The following UGT1A3 variants were observed in gnomAD, a reference collection of about 807,000 sequenced individuals.
UGT1A3 encodes UDP-glucuronosyltransferase 1A3.
A neutral mutation model predicts 41.0 loss-of-function variants in UGT1A3; 31 were observed. The observed-to-expected ratio is 0.76, with a 90% CI of 0.57 to 1.02. The LOEUF (loss-of-function observed/expected upper bound fraction) is 1.02. Among genes scored for constraint, UGT1A3 ranks in the 50% least tolerant of loss-of-function variants. UGT1A3 has a pLI of 0.00. For synonymous variants in UGT1A3, 262 were observed against 257.6 expected, an observed-to-expected ratio of 1.02 and a Z score of -0.17; for missense variants, 737 against 671.0, an observed-to-expected ratio of 1.10 and a Z score of -1.09.
chr2:233,752,595 T>A (rs1013400964), intron 1 of UGT1A3: 3 of 152,218 alleles, frequency 2.0e-5, no homozygotes, highest in Non-Finnish European at 2.9e-5. Context: ...CTACAAGATT[T>A]TTTTTAAAAA....
intron 1 of UGT1A3, among the ~76,000 whole-genome samples, chr2:233,736,165 G>A (rs533285485): frequency 1.2e-4 from 19 of 152,088 alleles, no homozygotes; most frequent in Non-Finnish European, 2.6e-4. Context: ...CGTAGATTTG[G>A]TCTTTCCACA....
intron 1 of UGT1A3, among the ~76,000 whole-genome samples, chr2:233,750,279 C>G (rs577374317): frequency 6.6e-6 from 1 of 152,046 alleles, no homozygotes; most frequent in East Asian, 1.9e-4. Flanking sequence ...AGCAAAGAGA[C>G]TGGTGGCATT....
In UGT1A3 at chr2:233,729,134, C is replaced by G. The variant is rs143371539; in HGVS notation, c.8C>G (p.Thr3Arg). ...TCCGTGTCTTCTGCTGAGATGGCCA[C>G]AGGACTCCAGGTTCCCCTGCCGTGG... MA[T>R]GLQVPLPWLA... is the part of the protein sequence containing the mutation. The change falls in exon 1 of 5, where the codon ACA (threonine) becomes AGA (arginine). Residue 3 changes from threonine (T) to arginine (R), a missense_variant. Transcript: ENST00000482026. 2.7e-5 allele frequency: 44 copies of G among 1,613,172 alleles called. No individual in the cohort carries two copies. Among genetic ancestry groups the G allele is most frequent in the Middle Eastern group, 1.8e-4 (1 of 5,434 alleles).
intron 1 of UGT1A3, chr2:233,744,011 C>T (rs1159851013): frequency 1.6e-5 from 18 of 1,116,766 alleles, no homozygotes; most frequent in East Asian, 5.5e-5. Context: ...AGACCTGGGC[C>T]GCCTGGAGAG....
chr2:233,755,768 C>G (rs1461511969), intron 1 of UGT1A3: 5 of 152,866 alleles, frequency 3.3e-5, no homozygotes, highest in African/African-American at 1.2e-4. Flanking sequence ...TTTTGTTCAT[C>G]TGGATTATGC....
intron 1 of UGT1A3, among the ~76,000 whole-genome samples, chr2:233,763,758 G>C (rs1698394922): frequency 6.6e-6 from 1 of 152,148 alleles, no homozygotes; most frequent in South Asian, 2.1e-4. Flanking sequence ...TGTGTCTGAA[G>C]GAAAAGAGAT....
At chr2:233,766,942 T>C (rs957269469) in intron 1 of UGT1A3, 92 bp from the exon 2 acceptor site, 13 of 1,596,398 alleles carry the variant, frequency 8.1e-6, no homozygotes, top group Non-Finnish European at 1.0e-5. Flanking sequence ...AATCATAGTC[T>C]TAAGAGGAAG....
chr2:233,760,740 C>T (rs2125987447), intron 1 of UGT1A3: 1 of 1,614,120 alleles, frequency 6.2e-7, no homozygotes, highest in Non-Finnish European at 8.5e-7. Context: ...TGCTGACGGA[C>T]CCTTTCCTTC....
intron 1 of UGT1A3, chr2:233,740,675 C>T (rs946709661): frequency 1.3e-5 from 2 of 151,760 alleles, no homozygotes; most frequent in African/African-American, 2.4e-5. Flanking sequence ...CAGGTGTTTC[C>T]ATGGAGGGTG....
intron 1 of UGT1A3, among the ~76,000 whole-genome samples, chr2:233,738,704 G>A (rs1471185258): frequency 6.6e-6 from 1 of 152,238 alleles, no homozygotes; most frequent in South Asian, 2.1e-4. Flanking sequence ...TAAAAGGGAA[G>A]CAGAGCATAA....
At chr2:233,743,417 G>C (rs1204856342) in intron 1 of UGT1A3, 2 of 1,334,558 alleles carry the variant, frequency 1.5e-6, no homozygotes, top group African/African-American at 1.5e-5. Flanking sequence ...CCACTTCCCA[G>C]GGAGCCAAAG....
chr2:233,729,269 T>C lies in UGT1A3; in HGVS notation c.143T>C (p.Leu48Ser). Residue 48 changes from leucine to serine, a missense_variant, in exon 1 of 5, where the codon TTG becomes TCG. Coordinates refer to ENST00000482026, the MANE Select transcript of UGT1A3 (RefSeq NM_019093.4). Reference protein sequence around the residue: ...GSHWLSMREVLRELHARGHQA... With the variant: ...GSHWLSMREVSRELHARGHQA... ...CACTGGCTCAGCATGCGGGAGGTCT[T>C]GCGGGAGCTCCATGCCAGAGGCCAC... The C allele has an allele frequency of 6.2e-7, 1 of 1,614,208 alleles. No homozygotes were observed. The highest frequency in any genetic ancestry group is 8.5e-7 in the Non-Finnish European group (1 of 1,180,012).
chr2:233,770,652 C>T (rs985386042), intron 4 of UGT1A3: 7 of 150,004 alleles, frequency 4.7e-5, no homozygotes, highest in Non-Finnish European at 1.0e-4. Context: ...AGTGAGACTC[C>T]GTCTTACTTA....
intron 1 of UGT1A3, chr2:233,748,131 A>C: frequency 6.2e-7 from 1 of 1,610,240 alleles, no homozygotes; most frequent in Non-Finnish European, 8.5e-7. Context: ...ACAGTTTTTA[A>C]AAATTGTATT....
intron 1 of UGT1A3, chr2:233,747,384 G>T: frequency 6.2e-7 from 1 of 1,605,378 alleles, no homozygotes; most frequent in Non-Finnish European, 8.5e-7. Flanking sequence ...AGGCCACCAG[G>T]CGGTGGTCCT....
intron 1 of UGT1A3, among the ~76,000 whole-genome samples, chr2:233,744,376 C>T (rs1002936325): frequency 4.0e-5 from 6 of 151,828 alleles, no homozygotes; most frequent in Non-Finnish European, 8.8e-5. Context: ...GACTGCAGTT[C>T]TCCAACGTTC....
Position 233,773,005 on chromosome 2 carries a change from C to A in UGT1A3, c.*446C>A. ...GTCAGTCCTCATCTCTGTCGTGCTT[C>A]ATAGGTGCCACCTTGTGTGTTTAAA... On this transcript the variant is annotated 3_prime_UTR_variant, in exon 5 of 5. Transcript: ENST00000482026. 4.6e-6 allele frequency: 1 copy of A among 219,060 alleles called. No individual in the cohort carries two copies. 13.6% of individuals were successfully genotyped at this position (219,060 alleles called of 1,614,324 possible).
chr2:233,739,170 A>G (rs1447136581), intron 1 of UGT1A3: 1 of 152,280 alleles, frequency 6.6e-6, no homozygotes, highest in Non-Finnish European at 1.5e-5. Context: ...TAGAGGATGT[A>G]AGGAAATGCT....
In UGT1A3 at chr2:233,769,481, G is replaced by A. The variant is rs35791110; in HGVS notation, c.1307+1042G>A. ...TTCATATGCGTGTGTGTGTGTGTGC[G>A]TGTGTTTATGAGAGTGTCCATTGCT... On this transcript the variant is annotated intron_variant, in intron 4 of 4. Coordinates refer to ENST00000482026, the MANE Select transcript of UGT1A3 (RefSeq NM_019093.4). This position sits in a 1 kb window ranked among gnomAD's most constrained non-coding sequence, Gnocchi z 4.4. 5.5e-4 allele frequency: 893 copies of A among 1,612,192 alleles called. 4 individuals are homozygous for A. The African/African-American group carries it at 9.9e-3, about 18-fold the overall frequency.
Sources: allele counts gnomAD v4.1 joint callset (sites outside exome capture counted in the v4.1 genomes callset), GRCh38; gene constraint gnomAD v4.1.1; non-coding constraint Gnocchi (gnomAD v3.1); transcripts MANE v1.5; gene names NCBI Gene and HGNC (gene_info 2026-07-23, HGNC 2026-07-21).